PHACTR2: variants seen among roughly 807,000 people sequenced by gnomAD.
PHACTR2 encodes the protein phosphatase and actin regulator 2.
PHACTR2 carries 30 observed loss-of-function variants against 76.0 expected under a neutral mutation model. The ratio of observed to expected loss-of-function variants is 0.39; its 90% confidence interval spans 0.30 to 0.54. The LOEUF (loss-of-function observed/expected upper bound fraction) is 0.54. Among genes scored for constraint, PHACTR2 ranks in the 20% least tolerant of loss-of-function variants. The pLI, the probability that PHACTR2 is intolerant of heterozygous loss-of-function variation, is 0.61. For synonymous variants in PHACTR2, 292 were observed against 292.5 expected (o/e 1.00, Z 0.02); for missense variants, 696 against 781.1 (o/e 0.89, Z 1.30).
rs186645330 is a variant in PHACTR2 at position 143,823,286 on chromosome 6, T to C, written c.1923-388T>C. On this transcript the variant is annotated intron_variant, in intron 12 of 12. Coordinates refer to ENST00000440869, the MANE Select transcript of PHACTR2 (RefSeq NM_001100164.2). This position sits in a 1 kb window ranked among gnomAD's most constrained non-coding sequence, Gnocchi z 5.7. ...TAATGAAAAAGTGTCTATTTGTTAC[T>C]GTGCTTTTATAATACAGACGAGGTG... Among the ~76,000 whole-genome samples the C allele has an allele frequency of 2.8e-3, 421 of 152,338 alleles. No individual in the cohort carries two copies. The highest frequency in any genetic ancestry group is 4.8e-3 in the Non-Finnish European group (327 of 68,038).
Position 143,623,030 on chromosome 6 carries a change from C to G in PHACTR2, c.13+14708C>G, listed in dbSNP as rs1023706217. The stretch of plus-strand genomic sequence containing the variant: ...ACATTGTTTATCCATTTGCTTTGAA[C>G]TTTTCAGATTACCTTCCCTAACACT... On this transcript the variant is annotated intron_variant, in intron 1 of 11. Transcript: ENST00000305766. The surrounding 1 kb of genome is among the most constrained non-coding windows in gnomAD (Gnocchi z 5.9). Among the ~76,000 whole-genome samples, 1 of 152,176 alleles carries G rather than the reference C, an allele frequency of 6.6e-6. No individual in the cohort carries two copies. Among genetic ancestry groups the G allele is most frequent in the Non-Finnish European group, 1.5e-5 (1 of 68,032 alleles).
chr6:143,570,389 A>G lies in PHACTR2; in HGVS notation c.217+33182A>G, dbSNP rs1410421123. Among the ~76,000 whole-genome samples the G allele has an allele frequency of 6.6e-6, 1 of 152,172 alleles. No individual in the cohort carries two copies. The highest frequency in any genetic ancestry group is 1.5e-5 in the Non-Finnish European group (1 of 68,032). ...CAGGGTTTGTACTTCGGCTTCTCTC[A>G]CTGTGCTGGAGATTAAAATGTGAGA... On this transcript the variant is annotated intron_variant, in intron 1 of 11. Coordinates refer to the PHACTR2 transcript ENST00000367584. The surrounding 1 kb of genome is among the most constrained non-coding windows in gnomAD (Gnocchi z 4.6).
chr6:143,730,107 C>T lies in PHACTR2; in HGVS notation c.214+17924C>T, dbSNP rs1778668029. Among the ~76,000 whole-genome samples the T allele has an allele frequency of 6.6e-6, 1 of 152,096 alleles. No individual in the cohort carries two copies. The highest frequency in any genetic ancestry group is 6.6e-5 in the Admixed American group (1 of 15,266). On this transcript the variant is annotated intron_variant, in intron 2 of 12. Transcript: ENST00000440869. The surrounding 1 kb of genome is among the most constrained non-coding windows in gnomAD (Gnocchi z 4.8). ...AAAATTAGGTAGTGTGATTTTCCAA[C>T]CTTATTCTTCATTTAAAATTGTTTT...
rs189877313 is a variant in PHACTR2 at position 143,635,491 on chromosome 6, T to C, written c.13+27169T>C. On this transcript the variant is annotated intron_variant, in intron 1 of 11. Transcript: ENST00000305766. The stretch of plus-strand genomic sequence containing the variant: ...TAAAATCTTGATAGATACTGCCGAG[T>C]TTTCCTTCTAAATGTTTCTAACTAT... 1.2e-4 allele frequency among the ~76,000 whole-genome samples: 19 copies of C among 152,270 alleles called. 1 individual carries two copies. The East Asian group carries it at 3.7e-3, about 29-fold the overall frequency.
Position 143,664,263 on chromosome 6 carries a change from A to G in PHACTR2, c.14-47753A>G, listed in dbSNP as rs986939339. On this transcript the variant is annotated intron_variant, in intron 1 of 11. Transcript: ENST00000305766. This position sits in a 1 kb window ranked among gnomAD's most constrained non-coding sequence, Gnocchi z 5.1. ...AATTTTCTTAGTAAATATTTTTCAT[A>G]CTTTTATTTTCAGCTTTTGCTGTTT... Among the ~76,000 whole-genome samples the G allele has an allele frequency of 5.9e-5, 9 of 151,992 alleles. No homozygotes were observed. Among genetic ancestry groups the G allele is most frequent in the Non-Finnish European group, 1.2e-4 (8 of 67,960 alleles).
chr6:143,563,477 A>T (rs1775309625), intron 1 of PHACTR2, among the ~76,000 whole-genome samples: 1 of 145,378 alleles, frequency 6.9e-6, no homozygotes, highest in Non-Finnish European at 1.5e-5. Flanking sequence ...AATTATTTGA[A>T]CCCGGGAGGT....
rs1341919667 is a variant in PHACTR2, at chr6:143,731,576, G to A, written c.215-17409G>A. Among the ~76,000 whole-genome samples the A allele has an allele frequency of 6.6e-6, 1 of 151,924 alleles. No homozygotes were observed. On this transcript the variant is annotated intron_variant, in intron 2 of 12. Transcript: ENST00000440869. This position sits in a 1 kb window ranked among gnomAD's most constrained non-coding sequence, Gnocchi z 4.9. Reference sequence around the variant, plus strand: ...TGCTGGGATTACAGGCATGAGCTACGGCGCCCAGCCAGCCCCACTGTGTTG... The same window carrying A: ...TGCTGGGATTACAGGCATGAGCTACAGCGCCCAGCCAGCCCCACTGTGTTG...
At position 143,583,046 on chromosome 6, in the gene PHACTR2, A is replaced by G. The variant is rs147037063; in HGVS notation, c.217+45839A>G. On this transcript the variant is annotated intron_variant, in intron 1 of 11. Coordinates refer to the PHACTR2 transcript ENST00000367584. The surrounding 1 kb of genome is among the most constrained non-coding windows in gnomAD (Gnocchi z 4.0). ...TACTTTAATTAGAAACATCATAATGAGTCTTTCTATTTTGGATATGAAGAC... is the reference window on the plus strand; with the variant it reads ...TACTTTAATTAGAAACATCATAATGGGTCTTTCTATTTTGGATATGAAGAC... Among the ~76,000 whole-genome samples, 1 of 152,262 alleles carries G rather than the reference A, an allele frequency of 6.6e-6. No individual in the cohort carries two copies. Among genetic ancestry groups the G allele is most frequent in the Non-Finnish European group, 1.5e-5 (1 of 68,050 alleles).
intron 1 of PHACTR2, among the ~76,000 whole-genome samples, chr6:143,565,749 C>T (rs1026169469): frequency 1.3e-5 from 2 of 151,912 alleles, no homozygotes; most frequent in Non-Finnish European, 2.9e-5. Flanking sequence ...AAGAGCATTC[C>T]GGGTAAAGGA....
intron 1 of PHACTR2, among the ~76,000 whole-genome samples, chr6:143,702,239 C>T (rs1245232646): frequency 6.7e-6 from 1 of 150,216 alleles, no homozygotes; most frequent in Non-Finnish European, 1.5e-5. Flanking sequence ...TCCAGAGTAG[C>T]TGGGACTACA....
rs1378791529 is a variant in PHACTR2, at chr6:143,826,330, A to T, written c.*2641A>T. On this transcript the variant is annotated 3_prime_UTR_variant, in exon 13 of 13. Transcript: ENST00000440869. The stretch of plus-strand genomic sequence containing the variant: ...TGCATAGGCACCTCTGTCCACCACC[A>T]GCGTTTCAGCAATCCAACCAGTAAG... 4 of 152,302 alleles carry T rather than the reference A, an allele frequency of 2.6e-5. No homozygotes were observed. Among genetic ancestry groups the T allele is most frequent in the Non-Finnish European group, 5.9e-5 (4 of 68,076 alleles). The allele number at this position is 152,302 out of a possible 1,614,324, so 9.4% of individuals were successfully genotyped here.
intron 2 of PHACTR2, among the ~76,000 whole-genome samples, chr6:143,717,250 A>G (rs1778323867): frequency 6.6e-6 from 1 of 152,138 alleles, no homozygotes; most frequent in African/African-American, 2.4e-5. Context: ...ACTACCAATC[A>G]TTCAAGGGTC....
intron 1 of PHACTR2, among the ~76,000 whole-genome samples, chr6:143,630,524 T>C (rs1438994662): frequency 6.6e-6 from 1 of 152,174 alleles, no homozygotes; most frequent in Non-Finnish European, 1.5e-5. Flanking sequence ...TAAACAACTA[T>C]CATTAATCCT....
rs1297025060 is a variant in PHACTR2 at position 143,580,290 on chromosome 6, C to G, written c.217+43083C>G. Among the ~76,000 whole-genome samples, 2 of 152,144 alleles carry G rather than the reference C, an allele frequency of 1.3e-5. No individual in the cohort carries two copies. Among genetic ancestry groups the G allele is most frequent in the African/African-American group, 4.8e-5 (2 of 41,436 alleles). ...CACGAGGTCAGGAAATCGAGACCAT[C>G]TTGGCCAACACGGTGAAACCCCGTC... On this transcript the variant is annotated intron_variant, in intron 1 of 11. Coordinates refer to the PHACTR2 transcript ENST00000367584. This position sits in a 1 kb window ranked among gnomAD's most constrained non-coding sequence, Gnocchi z 4.2.
In PHACTR2 at chr6:143,818,428, T is replaced by TAAG. The variant is rs1186613837; in HGVS notation, c.1923-5244_1923-5242dup. 6.6e-6 allele frequency among the ~76,000 whole-genome samples: 1 copy of TAAG among 152,220 alleles called. No homozygotes were observed. The highest frequency in any genetic ancestry group is 1.5e-5 in the Non-Finnish European group (1 of 68,034). ...AGATGATATAGGAGTACTTTCATCG[T>TAAG]AAGATTGTTTTGGGGATTAAATGAG... On this transcript the variant is annotated intron_variant, in intron 12 of 12. Transcript: ENST00000440869. The surrounding 1 kb of genome is among the most constrained non-coding windows in gnomAD (Gnocchi z 4.9).
chr6:143,727,359 T>C (rs534709918), intron 2 of PHACTR2, among the ~76,000 whole-genome samples: 10 of 151,234 alleles, frequency 6.6e-5, no homozygotes, highest in Non-Finnish European at 1.5e-4. Flanking sequence ...CCATTCATCT[T>C]TGATGGACAC....
upstream of PHACTR2, among the ~76,000 whole-genome samples, chr6:143,673,727 C>T (rs1224440609): frequency 6.6e-6 from 1 of 151,892 alleles, no homozygotes; most frequent in Non-Finnish European, 1.5e-5. Flanking sequence ...CCAGCACCAC[C>T]CCTTGAGGTC....
intron 2 of PHACTR2, among the ~76,000 whole-genome samples, chr6:143,745,540 T>C (rs1344798129): frequency 6.6e-6 from 1 of 152,220 alleles, no homozygotes; most frequent in Non-Finnish European, 1.5e-5. Context: ...TTCATTGCAA[T>C]GCAAACCCCC....
At chr6:143,707,776 T>C (rs1318260101) in intron 1 of PHACTR2, among the ~76,000 whole-genome samples, 1 of 152,168 alleles carries the variant, frequency 6.6e-6, no homozygotes, top group Non-Finnish European at 1.5e-5. Flanking sequence ...GGGTAATTTA[T>C]GTAGAAAAGA....
Sources: allele counts gnomAD v4.1 joint callset (sites outside exome capture counted in the v4.1 genomes callset), GRCh38; gene constraint gnomAD v4.1.1; non-coding constraint Gnocchi (gnomAD v3.1); transcripts MANE v1.5; gene names NCBI Gene and HGNC (gene_info 2026-07-23, HGNC 2026-07-21).